Variants in DDX60 observed in about 807,000 individuals in gnomAD.
DDX60 encodes the protein DExD/H-box helicase 60.
DDX60 carries 165 observed loss-of-function variants against 212.8 expected under a neutral mutation model. That is an observed-to-expected ratio of 0.78 (90% CI 0.68 to 0.88). The LOEUF (loss-of-function observed/expected upper bound fraction) is 0.88, where lower values mean the gene tolerates loss of function less well. Among genes scored for constraint, DDX60 ranks in the 40% least tolerant of loss-of-function variants. The pLI is 0.00. For missense variants in DDX60, 1,905 were observed against 2,003.9 expected (o/e 0.95, Z 0.94); for synonymous variants, 703 against 685.3 (o/e 1.03, Z -0.40).
chr4:168,244,717 T>C (rs1026561947), intron 30 of DDX60, among the ~76,000 whole-genome samples: 1 of 150,722 alleles, frequency 6.6e-6, no homozygotes, highest in African/African-American at 2.5e-5. Context: ...AGAGCAAGAC[T>C]CTATCTCAAA....
At chr4:168,285,208 A>G (rs1281462920) in intron 11 of DDX60, among the ~76,000 whole-genome samples, 185 bp downstream of exon 11, 1 of 152,210 alleles carries the variant, frequency 6.6e-6, no homozygotes, top group African/African-American at 2.4e-5. Context: ...AAGATTAAAA[A>G]CTATACAGAT....
In DDX60 at chr4:168,236,250, A is replaced by C; in HGVS notation, c.4533+2T>G. 6.2e-7 allele frequency: 1 copy of C among 1,609,558 alleles called. No individual in the cohort carries two copies. The highest frequency in any genetic ancestry group is 8.5e-7 in the Non-Finnish European group (1 of 1,177,882). On this transcript the variant is annotated splice_donor_variant, in intron 33 of 37. Coordinates refer to ENST00000393743, the MANE Select transcript of DDX60 (RefSeq NM_017631.6). LOFTEE classifies it high-confidence loss of function. The stretch of plus-strand genomic sequence containing the variant: ...AAATTTTATCAGAATCACACAGTTT[A>C]CCTTTGATTGATAAAACTCGAAGTG...
chr4:168,241,808 AG>A (rs1218564231), intron 30 of DDX60, among the ~76,000 whole-genome samples: 2 of 152,194 alleles, frequency 1.3e-5, no homozygotes, highest in Non-Finnish European at 2.9e-5. Flanking sequence ...AAATTTGCAT[AG>A]GTAATAGGGA....
At chr4:168,243,062 A>G (rs962504763) in intron 30 of DDX60, among the ~76,000 whole-genome samples, 1 of 152,184 alleles carries the variant, frequency 6.6e-6, no homozygotes. Flanking sequence ...GCCTGCTGCC[A>G]TCCATTGTAA....
intron 32 of DDX60, among the ~76,000 whole-genome samples, chr4:168,236,854 G>A (rs958233360): frequency 4.0e-5 from 6 of 151,642 alleles, no homozygotes; most frequent in Admixed American, 3.9e-4. Context: ...AAGAAAATAT[G>A]ATTGGAAGAA....
intron 22 of DDX60, among the ~76,000 whole-genome samples, chr4:168,265,887 G>A (rs1734827622): frequency 7.6e-6 from 1 of 132,430 alleles, no homozygotes; most frequent in Non-Finnish European, 1.6e-5. Flanking sequence ...GAAGGGAAGG[G>A]AAGGGAAGGG....
intron 1 of DDX60, among the ~76,000 whole-genome samples, chr4:168,312,194 T>C (rs746823004): frequency 2.6e-5 from 4 of 152,122 alleles, no homozygotes; most frequent in Non-Finnish European, 5.9e-5. Flanking sequence ...AGTAACAGGA[T>C]GGATGACTAG....
At chr4:168,246,279 A>T in intron 30 of DDX60, 139 bp downstream of exon 30, 1 of 967,044 alleles carries the variant, frequency 1.0e-6, no homozygotes, top group Non-Finnish European at 1.5e-6. Context: ...CCAATTCTAT[A>T]CGATTCAAGA....
At chr4:168,271,238 T>G (rs765646087) in intron 19 of DDX60, among the ~76,000 whole-genome samples, 1 of 152,202 alleles carries the variant, frequency 6.6e-6, no homozygotes, top group Non-Finnish European at 1.5e-5. Context: ...TTTGCCCCAA[T>G]AAATCGCTAC....
At chr4:168,283,023 T>C (rs544222552) in intron 13 of DDX60, among the ~76,000 whole-genome samples, 2 of 152,294 alleles carry the variant, frequency 1.3e-5, no homozygotes, top group East Asian at 1.9e-4. Flanking sequence ...AAAAATGTGT[T>C]GGATTAATCA....
intron 32 of DDX60, 144 bp downstream of exon 32, chr4:168,237,138 TTTAC>T: frequency 2.0e-6 from 1 of 508,974 alleles, no homozygotes. Flanking sequence ...TTAGTAGGTA[TTTAC>T]TTTATCAATT....
At position 168,244,878 on chromosome 4, in the gene DDX60, TA is replaced by T. The variant is rs35973596; in HGVS notation, c.4164+1539del. ...GGAAGGTAAGTTTTATGTTTTCTCA[TA>T]AAAAAAAATAGCAATGAAAAACAGA... On this transcript the variant is annotated intron_variant, in intron 30 of 37. Coordinates refer to ENST00000393743, the MANE Select transcript of DDX60 (RefSeq NM_017631.6). Among the ~76,000 whole-genome samples, 64 of 151,234 alleles carry T rather than the reference TA, an allele frequency of 4.2e-4. No homozygotes were observed. In the South Asian group the frequency reaches 7.7e-3, roughly 18 times the overall value.
chr4:168,319,263 T>C (rs1737541977), upstream of DDX60, among the ~76,000 whole-genome samples: 1 of 152,068 alleles, frequency 6.6e-6, no homozygotes. Context: ...GGCTTTGGAA[T>C]TTGGGCATAA....
chr4:168,226,003 T>C (rs1222372762), intron 33 of DDX60, among the ~76,000 whole-genome samples: 1 of 152,082 alleles, frequency 6.6e-6, no homozygotes, highest in Non-Finnish European at 1.5e-5. Context: ...AGTGACACAT[T>C]TGAATAGCAA....
intron 26 of DDX60, among the ~76,000 whole-genome samples, chr4:168,254,783 G>C (rs1299131991): frequency 6.6e-6 from 1 of 152,116 alleles, no homozygotes; most frequent in East Asian, 1.9e-4. Flanking sequence ...TCAGGAAGGA[G>C]GGCACTCAAG....
At chr4:168,230,371 A>G (rs1326750517) in intron 33 of DDX60, among the ~76,000 whole-genome samples, 1 of 152,154 alleles carries the variant, frequency 6.6e-6, no homozygotes, top group Non-Finnish European at 1.5e-5. Context: ...TGGACTTAAC[A>G]GATATTTACA....
chr4:168,320,428 G>A (rs1183195928), upstream of DDX60, among the ~76,000 whole-genome samples: 1 of 152,064 alleles, frequency 6.6e-6, no homozygotes, highest in Non-Finnish European at 1.5e-5. Flanking sequence ...CAAGGAGTCT[G>A]GTGGTCTCTA....
At chr4:168,227,785 T>G (rs1733309654) in intron 33 of DDX60, among the ~76,000 whole-genome samples, 2 of 152,064 alleles carry the variant, frequency 1.3e-5, no homozygotes, top group Non-Finnish European at 2.9e-5. Context: ...TGTAAAATAT[T>G]TTTAAATGTC....
At chr4:168,226,334 G>C (rs1311489776) in intron 33 of DDX60, among the ~76,000 whole-genome samples, 1 of 151,900 alleles carries the variant, frequency 6.6e-6, no homozygotes, top group Admixed American at 6.6e-5. Context: ...TTAGGACGCA[G>C]GGCCTTTGGG....
Sources: allele counts gnomAD v4.1 joint callset (sites outside exome capture counted in the v4.1 genomes callset), GRCh38; gene constraint gnomAD v4.1.1; transcripts MANE v1.5; gene names NCBI Gene and HGNC (gene_info 2026-07-23, HGNC 2026-07-21).